The following RAD51B variants were observed in gnomAD, a reference collection of about 807,000 sequenced individuals.
The protein encoded by RAD51B is RAD51 paralog B, also known as DNA repair protein RAD51 homolog 2.
In RAD51B, 38 loss-of-function variants were observed where a neutral mutation model predicts 42.2. The observed-to-expected ratio is 0.90, with a 90% CI of 0.70 to 1.18. The LOEUF is 1.18. Ranked by LOEUF, RAD51B falls within the 50% of genes most tolerant of loss-of-function variation. The pLI is 0.00. For synonymous variants in RAD51B, 154 were observed against 145.2 expected (o/e 1.06, Z -0.43); for missense variants, 373 against 400.7 (o/e 0.93, Z 0.59).
At chr14:67,993,600 G>A (rs1011374844) in intron 7 of RAD51B, among the ~76,000 whole-genome samples, 4 of 152,176 alleles carry the variant, frequency 2.6e-5, no homozygotes, top group African/African-American at 9.7e-5. Flanking sequence ...TGTGTTGATG[G>A]ACACTTAGGG....
intron 7 of RAD51B, among the ~76,000 whole-genome samples, chr14:67,984,677 A>G (rs1167472637): frequency 6.6e-6 from 1 of 152,216 alleles, no homozygotes; most frequent in Non-Finnish European, 1.5e-5. Flanking sequence ...CCACATCAGC[A>G]TAAAACCTTC....
chr14:68,309,401 G>T (rs112447946), intron 8 of RAD51B, among the ~76,000 whole-genome samples: 1 of 152,226 alleles, frequency 6.6e-6, no homozygotes, highest in Admixed American at 6.5e-5. Flanking sequence ...TCACCATCAC[G>T]ACTCAAGGAT....
intron 7 of RAD51B, among the ~76,000 whole-genome samples, chr14:68,035,039 C>T (rs939188664): frequency 1.3e-4 from 20 of 152,254 alleles, no homozygotes; most frequent in Middle Eastern, 3.4e-3. Flanking sequence ...TACAGTATAA[C>T]CTCTGGTTCT....
At chr14:68,080,341 A>G (rs569400642) in intron 7 of RAD51B, among the ~76,000 whole-genome samples, 27 of 152,248 alleles carry the variant, frequency 1.8e-4, no homozygotes, top group Non-Finnish European at 3.2e-4. Flanking sequence ...TGTGTTTTCA[A>G]TTCTTTTATT....
chr14:67,941,752 A>C (rs1185507859), intron 7 of RAD51B, among the ~76,000 whole-genome samples: 1 of 152,246 alleles, frequency 6.6e-6, no homozygotes, highest in Non-Finnish European at 1.5e-5. Flanking sequence ...GGGGTCTGCT[A>C]AAGTGGAAAA....
At chr14:68,543,482 A>G (rs1888070532) in intron 10 of RAD51B, among the ~76,000 whole-genome samples, 1 of 152,240 alleles carries the variant, frequency 6.6e-6, no homozygotes. Flanking sequence ...AAAAAAGTGG[A>G]GAAAAATTCT....
intron 4 of RAD51B, among the ~76,000 whole-genome samples, chr14:67,859,105 C>T (rs1012095818): frequency 2.0e-5 from 3 of 152,216 alleles, no homozygotes; most frequent in African/African-American, 7.2e-5. Flanking sequence ...CTGACATCCT[C>T]ACTTGGTCTG....
chr14:67,987,855 C>T (rs146122178), intron 7 of RAD51B, among the ~76,000 whole-genome samples: 1,574 of 152,254 alleles, frequency 0.01, 27 homozygotes, highest in African/African-American at 0.036. Context: ...CAATCGCTTC[C>T]TCAGCGAAAT....
chr14:68,558,136 G>A (rs1452682498), intron 10 of RAD51B, among the ~76,000 whole-genome samples: 3 of 152,222 alleles, frequency 2.0e-5, no homozygotes, highest in African/African-American at 7.2e-5. Flanking sequence ...TTAGGGTAGT[G>A]GCAGTGTGGC....
intron 10 of RAD51B, among the ~76,000 whole-genome samples, chr14:68,544,882 C>G (rs1888140486): frequency 6.6e-6 from 1 of 152,160 alleles, no homozygotes; most frequent in African/African-American, 2.4e-5. Context: ...CCAAAGAAGG[C>G]AGGGACTCCA....
downstream of RAD51B, among the ~76,000 whole-genome samples, chr14:68,600,217 C>T (rs1009266331): frequency 3.3e-5 from 5 of 152,170 alleles, no homozygotes; most frequent in African/African-American, 9.7e-5. Flanking sequence ...CCTCCACAAA[C>T]AATGAGTTGA....
At chr14:68,129,224 T>C (rs2077835550) in intron 7 of RAD51B, among the ~76,000 whole-genome samples, 1 of 152,228 alleles carries the variant, frequency 6.6e-6, no homozygotes, top group Non-Finnish European at 1.5e-5. Context: ...AGCCTCTTTC[T>C]ACTATACCTT....
intron 7 of RAD51B, among the ~76,000 whole-genome samples, chr14:68,039,805 T>C (rs2076190945): frequency 6.6e-6 from 1 of 152,246 alleles, no homozygotes; most frequent in African/African-American, 2.4e-5. Flanking sequence ...TTTGCTCTAA[T>C]GGTTGCTGTT....
At chr14:68,072,506 G>A (rs952554332) in intron 7 of RAD51B, among the ~76,000 whole-genome samples, 7 of 151,984 alleles carry the variant, frequency 4.6e-5, no homozygotes, top group African/African-American at 1.7e-4. Flanking sequence ...TACATTCGCT[G>A]GCAGCTGATT....
At chr14:68,146,937 G>C (rs2078264340) in intron 7 of RAD51B, among the ~76,000 whole-genome samples, 1 of 152,054 alleles carries the variant, frequency 6.6e-6, no homozygotes, top group Admixed American at 6.5e-5. Flanking sequence ...GAGGGATATT[G>C]GATAATCAAA....
At position 68,147,806 on chromosome 14, in the gene RAD51B, A is replaced by T. The variant is rs867521071; in HGVS notation, c.757-144078A>T. 4.3e-3 allele frequency among the ~76,000 whole-genome samples: 618 copies of T among 144,024 alleles called. 1 individual carries two copies. Among genetic ancestry groups the T allele is most frequent in the Middle Eastern group, 0.018 (5 of 282 alleles). 94.5% of individuals were successfully genotyped at this position (144,024 alleles called of 152,430 possible). On this transcript the variant is annotated intron_variant, in intron 7 of 10. Transcript: ENST00000471583. ...AAAAAAGATAAAGCAAGGGAAATTAAAAAAAAAAAAAGAGCTTTATTGAGT... is the reference window on the plus strand; with the variant it reads ...AAAAAAGATAAAGCAAGGGAAATTATAAAAAAAAAAAGAGCTTTATTGAGT...
At chr14:68,586,093 T>C (rs1257582752) in intron 10 of RAD51B, among the ~76,000 whole-genome samples, 1 of 151,906 alleles carries the variant, frequency 6.6e-6, no homozygotes, top group African/African-American at 2.4e-5. Context: ...TCCTAGCCTA[T>C]GGAAGAGAAG....
chr14:67,921,186 G>C (rs1483034704), intron 7 of RAD51B, among the ~76,000 whole-genome samples: 4 of 152,184 alleles, frequency 2.6e-5, no homozygotes, highest in Non-Finnish European at 4.4e-5. Context: ...AGAGTCCTTA[G>C]AGGAGGGCTA....
intron 11 of RAD51B, among the ~76,000 whole-genome samples, chr14:68,679,992 C>A (rs1422087669): frequency 2.0e-4 from 31 of 152,086 alleles, no homozygotes; most frequent in Non-Finnish European, 1.5e-5. Flanking sequence ...AAAAGTGAAA[C>A]AACAAAGACG....
Sources: gnomAD v4.1 joint callset for allele counts (sites outside exome capture counted in the v4.1 genomes callset) on GRCh38, gnomAD v4.1.1 for gene constraint, MANE v1.5 for transcripts, NCBI Gene and HGNC (gene_info 2026-07-23, HGNC 2026-07-21) for gene names.